GPR158: variants seen among roughly 807,000 people sequenced by gnomAD.
GPR158 encodes metabotropic glycine receptor.
Under a neutral mutation model 78.2 loss-of-function variants are expected in GPR158, and 30 were observed. The ratio of observed to expected loss-of-function variants is 0.38; its 90% confidence interval spans 0.29 to 0.52. The LOEUF is 0.52. Among genes scored for constraint, GPR158 ranks in the 20% least tolerant of loss-of-function variants. The pLI is 0.83. For missense variants in GPR158, 1,463 were observed against 1,523.5 expected, an observed-to-expected ratio of 0.96 and a Z score of 0.66; for synonymous variants, 581 against 591.1, an observed-to-expected ratio of 0.98 and a Z score of 0.25.
intron 4 of GPR158, among the ~76,000 whole-genome samples, chr10:25,429,653 T>C (rs1834871504): frequency 6.6e-6 from 1 of 151,320 alleles, no homozygotes; most frequent in Non-Finnish European, 1.5e-5. Context: ...ATCAAAAAGC[T>C]TATCCACCAT....
intron 2 of GPR158, among the ~76,000 whole-genome samples, chr10:25,383,674 TTAA>T (rs937811306): frequency 2.0e-5 from 3 of 152,222 alleles, no homozygotes; most frequent in African/African-American, 7.2e-5. Context: ...CATTTTCAAA[TTAA>T]TAATCTTCCC....
At chr10:25,480,345 A>G (rs1476929532) in intron 5 of GPR158, among the ~76,000 whole-genome samples, 1 of 152,214 alleles carries the variant, frequency 6.6e-6, no homozygotes, top group African/African-American at 2.4e-5. Flanking sequence ...TATACATAAC[A>G]TAAAACTTAC....
At chr10:25,575,993 C>CTGTTATCTAAA (rs59951363) in intron 7 of GPR158, among the ~76,000 whole-genome samples, 39,847 of 151,702 alleles carry the variant, frequency 0.26, 7,169 homozygotes, top group African/African-American at 0.51. Context: ...TATGAACTTT[C>CTGTTATCTAAA]TGTTATCTAA....
intron 2 of GPR158, among the ~76,000 whole-genome samples, chr10:25,225,753 A>G (rs902827609): frequency 2.6e-5 from 4 of 152,084 alleles, no homozygotes; most frequent in Non-Finnish European, 4.4e-5. Flanking sequence ...ACAGTTTCCC[A>G]TATCTCCTCT....
At chr10:25,337,360 T>A (rs1251617940) in intron 2 of GPR158, among the ~76,000 whole-genome samples, 2 of 152,098 alleles carry the variant, frequency 1.3e-5, no homozygotes, top group South Asian at 2.1e-4. Flanking sequence ...TCTAACACCA[T>A]AGATAAATAT....
chr10:25,424,091 G>T (rs1189675573), intron 4 of GPR158, among the ~76,000 whole-genome samples: 1 of 152,146 alleles, frequency 6.6e-6, no homozygotes, highest in African/African-American at 2.4e-5. Flanking sequence ...GTGTGAGATG[G>T]TATCTCATTG....
At chr10:25,529,972 C>T (rs1329858157) in intron 5 of GPR158, among the ~76,000 whole-genome samples, 4 of 152,088 alleles carry the variant, frequency 2.6e-5, no homozygotes, top group African/African-American at 9.7e-5. Context: ...AAAATTAAAA[C>T]CTACTGGCCT....
At position 25,572,738 on chromosome 10, in the gene GPR158, T is replaced by C; in HGVS notation, c.1604T>C (p.Leu535Ser). ...RVMRMLAVILLVVFWFLIGWT... is the reference protein window; with the variant it reads ...RVMRMLAVILSVVFWFLIGWT... ...ATGAGGATGCTGGCAGTAATACTCT[T>C]GGTAGTGTTTTGGTTTCTCATTGGC... is the stretch of plus-strand genomic sequence containing the variant. Residue 535 changes from leucine (L) to serine (S), a missense_variant, in exon 7 of 11, where the codon TTG (leucine) becomes TCG (serine). Physicochemically the swap from Leu to Ser is moderately radical, Grantham distance 145. Transcript: ENST00000376351. 6.2e-7 allele frequency: 1 copy of C among 1,613,874 alleles called. No individual in the cohort carries two copies. Among genetic ancestry groups the C allele is most frequent in the Non-Finnish European group, 8.5e-7 (1 of 1,179,772 alleles).
intron 5 of GPR158, among the ~76,000 whole-genome samples, chr10:25,498,386 G>A (rs1698839468): frequency 6.6e-6 from 1 of 152,136 alleles, no homozygotes. Flanking sequence ...TTGTAATGTA[G>A]TGGTTCTCAA....
At chr10:25,342,248 T>TTA (rs1855313575) in intron 2 of GPR158, among the ~76,000 whole-genome samples, 2 of 151,596 alleles carry the variant, frequency 1.3e-5, no homozygotes, top group Admixed American at 6.6e-5. Flanking sequence ...CTGTTTTATT[T>TTA]TTTTTTTAGG....
chr10:25,251,660 G>C (rs1427390637), intron 2 of GPR158, among the ~76,000 whole-genome samples: 2 of 151,308 alleles, frequency 1.3e-5, no homozygotes, highest in Non-Finnish European at 2.9e-5. Context: ...CTTCTGGCTT[G>C]TAGGGTTTCT....
intron 5 of GPR158, among the ~76,000 whole-genome samples, chr10:25,518,318 A>C (rs1836211615): frequency 1.2e-5 from 1 of 82,430 alleles, no homozygotes; most frequent in Non-Finnish European, 2.3e-5. Context: ...CCTTTCAAAA[A>C]ACCAGCTCCT....
At chr10:25,380,444 A>G (rs1484246989) in intron 2 of GPR158, among the ~76,000 whole-genome samples, 5 of 152,166 alleles carry the variant, frequency 3.3e-5, no homozygotes, top group African/African-American at 9.7e-5. Context: ...AATTAGATCT[A>G]TCTATATTTA....
intron 2 of GPR158, among the ~76,000 whole-genome samples, chr10:25,334,638 T>C (rs61855503): frequency 0.033 from 5,028 of 152,122 alleles, 121 homozygotes; most frequent in Non-Finnish European, 0.046. Flanking sequence ...TAGATTCTAG[T>C]TATGATTGTT....
intron 5 of GPR158, among the ~76,000 whole-genome samples, chr10:25,547,556 T>A (rs909899758): frequency 4.6e-5 from 7 of 152,276 alleles, no homozygotes; most frequent in Non-Finnish European, 7.4e-5. Context: ...CCAGGATAAT[T>A]TCACTTGTTT....
chr10:25,588,503 A>G (rs376826792), intron 7 of GPR158, among the ~76,000 whole-genome samples: 38 of 152,324 alleles, frequency 2.5e-4, no homozygotes, highest in African/African-American at 8.4e-4. Context: ...ATGCCACTGA[A>G]TGTTTAGCAA....
chr10:25,359,611 G>A (rs1855601830), intron 2 of GPR158, among the ~76,000 whole-genome samples: 1 of 152,176 alleles, frequency 6.6e-6, no homozygotes. Context: ...TGGCCGCACA[G>A]TATTTCGTGG....
chr10:25,363,017 A>G (rs779201753), intron 2 of GPR158, among the ~76,000 whole-genome samples: 1 of 151,650 alleles, frequency 6.6e-6, no homozygotes, highest in Non-Finnish European at 1.5e-5. Context: ...GTTTTTTTAC[A>G]TCATTTTTTT....
chr10:25,443,574 T>A (rs933986283), intron 4 of GPR158, among the ~76,000 whole-genome samples: 28 of 131,118 alleles, frequency 2.1e-4, no homozygotes, highest in South Asian at 1.5e-3. Context: ...AAAAAAAAAA[T>A]TTTTTTTTTT....
Sources: gnomAD v4.1 joint callset for allele counts (sites outside exome capture counted in the v4.1 genomes callset) on GRCh38, gnomAD v4.1.1 for gene constraint, MANE v1.5 for transcripts, NCBI Gene and HGNC (gene_info 2026-07-23, HGNC 2026-07-21) for gene names.